Variants in CELF2 observed in about 807,000 individuals in gnomAD.
CELF2 encodes CUGBP Elav-like family member 2.
In CELF2, 8 loss-of-function variants were observed where a neutral mutation model predicts 62.6. The observed-to-expected ratio is 0.13, with a 90% CI of 0.07 to 0.23. The LOEUF (loss-of-function observed/expected upper bound fraction) is 0.23, where lower values mean the gene tolerates loss of function less well. Ranked by LOEUF, CELF2 falls within the 10% of genes least tolerant of loss-of-function variation. CELF2 has a pLI of 1.00. For synonymous variants in CELF2, 258 were observed against 250.0 expected (o/e 1.03, Z -0.30); for missense variants, 333 against 671.0 (o/e 0.50, Z 5.56).
chr10:10,998,688 G>A (rs1053350840), intron 2 of CELF2, among the ~76,000 whole-genome samples: 4 of 152,156 alleles, frequency 2.6e-5, no homozygotes, highest in Non-Finnish European at 4.4e-5. Flanking sequence ...GGTGACACCA[G>A]CTCTTGGGGC....
chr10:10,904,228 A>ATTTTTTT (rs11374267), intron 1 of CELF2, among the ~76,000 whole-genome samples: 1 of 148,304 alleles, frequency 6.7e-6, no homozygotes, highest in Non-Finnish European at 1.5e-5. Context: ...TCCATTTTTA[A>ATTTTTTT]TTTTTTTTTT....
the CELF2 span, among the ~76,000 whole-genome samples, chr10:10,592,115 A>G: frequency 6.6e-6 from 1 of 152,240 alleles, no homozygotes; most frequent in Non-Finnish European, 1.5e-5. Flanking sequence ...AATTATAACT[A>G]GCGTACAACC....
chr10:10,605,184 C>T, the CELF2 span, among the ~76,000 whole-genome samples: 58 of 152,198 alleles, frequency 3.8e-4, no homozygotes, highest in African/African-American at 1.4e-3. Context: ...GAAAACCAAA[C>T]ACCACATATT....
In CELF2 at chr10:11,333,222, C is replaced by CT. The variant is rs11437655; in HGVS notation, c.*4174dup. Reference sequence around the variant, plus strand: ...AAGAGAGGACATGAGGGGGAAAGTCCTTTTTGCCCTTCTCCAAAAAATAAC... The same window carrying CT: ...AAGAGAGGACATGAGGGGGAAAGTCCTTTTTTGCCCTTCTCCAAAAAATAAC... On this transcript the variant is annotated 3_prime_UTR_variant, in exon 13 of 13. Coordinates refer to ENST00000633077, the MANE Select transcript of CELF2 (RefSeq NM_001326342.2). 152,303 of 152,316 alleles carry CT rather than the reference C, an allele frequency of 1. 76,145 individuals carry two copies. The highest frequency in any genetic ancestry group is 1 in the Middle Eastern group (294 of 294). 9.4% of individuals were successfully genotyped at this position (152,316 alleles called of 1,614,324 possible). A position where few individuals can be genotyped will look rare whatever the true frequency, so the allele number is the denominator to read the frequency against.
rs147449139 is a variant in CELF2 at position 11,214,271 on chromosome 10, C to T, written c.272-3154C>T. On this transcript the variant is annotated intron_variant, in intron 2 of 12. Transcript: ENST00000633077. This position sits in a 1 kb window ranked among gnomAD's most constrained non-coding sequence, Gnocchi z 4.2. ...CATTCCAGCCAGGACAACAGAGTGA[C>T]ATCCTGTCTCAAAAATAAATAAATT... Among the ~76,000 whole-genome samples, 22 of 152,294 alleles carry T rather than the reference C, an allele frequency of 1.4e-4. No homozygotes were observed. The highest frequency in any genetic ancestry group is 5.1e-4 in the African/African-American group (21 of 41,564).
chr10:10,975,514 G>A (rs967944197), intron 2 of CELF2, among the ~76,000 whole-genome samples: 1 of 152,146 alleles, frequency 6.6e-6, no homozygotes, highest in Admixed American at 6.5e-5. Flanking sequence ...CCAATGTCAG[G>A]TCCACAAACT....
At chr10:10,630,060 G>A in the CELF2 span, among the ~76,000 whole-genome samples, 1 of 152,064 alleles carries the variant, frequency 6.6e-6, no homozygotes, top group African/African-American at 2.4e-5. Flanking sequence ...TGCCAAGCAA[G>A]ACACTCCATC....
intron 2 of CELF2, chr10:10,935,020 A>G (rs750939312): frequency 1.5e-4 from 23 of 152,260 alleles, no homozygotes; most frequent in Admixed American, 9.2e-4. Context: ...GGGTGACTTC[A>G]TCATAGACTG....
chr10:10,748,625 G>A, the CELF2 span, among the ~76,000 whole-genome samples: 2 of 151,814 alleles, frequency 1.3e-5, no homozygotes, highest in Non-Finnish European at 2.9e-5. Context: ...ATGGGCACCT[G>A]TAGTCCCAGC....
intron 2 of CELF2, among the ~76,000 whole-genome samples, chr10:11,208,889 T>C (rs899850029): frequency 5.3e-5 from 8 of 152,280 alleles, no homozygotes; most frequent in Non-Finnish European, 1.0e-4. Context: ...CTCCCAACGT[T>C]TGCTACTTGT....
intron 2 of CELF2, among the ~76,000 whole-genome samples, chr10:11,206,376 C>G (rs10905917): frequency 0.26 from 40,112 of 152,224 alleles, 6,435 homozygotes; most frequent in East Asian, 0.69. Context: ...CTATCCTCTA[C>G]AGAATCTATA....
chr10:10,786,231 T>C, the CELF2 span, among the ~76,000 whole-genome samples: 2 of 152,190 alleles, frequency 1.3e-5, no homozygotes, highest in African/African-American at 2.4e-5. Context: ...ATTTCCTCAG[T>C]GACACAGGGA....
chr10:10,690,803 T>C, the CELF2 span, among the ~76,000 whole-genome samples: 3 of 152,058 alleles, frequency 2.0e-5, no homozygotes, highest in Non-Finnish European at 2.9e-5. Flanking sequence ...TCACTTGAAC[T>C]GGGGAGGCAG....
chr10:10,902,180 GT>G (rs2062983879), intron 1 of CELF2, among the ~76,000 whole-genome samples: 1 of 152,056 alleles, frequency 6.6e-6, no homozygotes, highest in Non-Finnish European at 1.5e-5. Flanking sequence ...CAGTTTGGCC[GT>G]TTCTTAAAAA....
intron 2 of CELF2, among the ~76,000 whole-genome samples, chr10:11,180,737 T>G (rs532953398): frequency 6.6e-6 from 1 of 152,356 alleles, no homozygotes; most frequent in South Asian, 2.1e-4. Flanking sequence ...ATTATCTTGT[T>G]AAAATGTGTC....
rs566782258 is a variant in CELF2, at chr10:10,968,407, G to A, written c.89+48408G>A. On this transcript the variant is annotated intron_variant, in intron 2 of 13. Coordinates refer to the CELF2 transcript ENST00000636488. ...GCAATGTTCCCAAAGTTAAATATGC[G>A]TATATCATGCTGTATTTTAAATTAT... Among the ~76,000 whole-genome samples the A allele has an allele frequency of 2.0e-4, 31 of 152,198 alleles. 1 individual carries two copies. The East Asian group carries it at 2.5e-3, about 12-fold the overall frequency.
chr10:11,140,198 A>G (rs80049387), intron 1 of CELF2, among the ~76,000 whole-genome samples: 4,375 of 152,212 alleles, frequency 0.029, 94 homozygotes, highest in South Asian at 0.089. Flanking sequence ...AGGTACCCAA[A>G]AGGGCAAGAA....
intron 1 of CELF2, among the ~76,000 whole-genome samples, chr10:10,811,290 C>G (rs1170877378): frequency 1.3e-5 from 2 of 152,148 alleles, no homozygotes; most frequent in African/African-American, 4.8e-5. Flanking sequence ...GGATGCACTT[C>G]CAGCATCAAC....
chr10:11,102,998 A>C (rs949372388), intron 1 of CELF2, among the ~76,000 whole-genome samples: 4 of 152,096 alleles, frequency 2.6e-5, no homozygotes, highest in Admixed American at 2.6e-4. Flanking sequence ...TGTTTCTAAA[A>C]CCTGAGTCTC....
Sources: gnomAD v4.1 joint callset for allele counts (sites outside exome capture counted in the v4.1 genomes callset) on GRCh38, gnomAD v4.1.1 for gene constraint, Gnocchi (gnomAD v3.1) non-coding constraint, MANE v1.5 for transcripts, NCBI Gene and HGNC (gene_info 2026-07-23, HGNC 2026-07-21) for gene names.